Variants in CCDC39 observed in about 807,000 individuals in gnomAD.
CCDC39 encodes coiled-coil domain-containing protein 39.
A neutral mutation model predicts 121.0 loss-of-function variants in CCDC39; 113 were observed. The ratio of observed to expected loss-of-function variants is 0.93; its 90% CI spans 0.80 to 1.09. The LOEUF is 1.09. CCDC39 is among the 50% of genes least tolerant of loss of function. CCDC39 has a pLI of 0.00. For synonymous variants in CCDC39, 349 were observed against 352.2 expected (o/e 0.99, Z 0.10); for missense variants, 1,063 against 1,074.7 (o/e 0.99, Z 0.15).
intron 13 of CCDC39, among the ~76,000 whole-genome samples, chr3:180,633,597 G>C (rs1187958082): frequency 6.6e-6 from 1 of 151,948 alleles, no homozygotes; most frequent in East Asian, 1.9e-4. Context: ...GAGAGATAAA[G>C]AATATCTGAG....
At chr3:180,636,338 C>A (rs557874411) in intron 13 of CCDC39, among the ~76,000 whole-genome samples, 2 of 152,222 alleles carry the variant, frequency 1.3e-5, no homozygotes, top group South Asian at 4.1e-4. Flanking sequence ...AAATCAGGAA[C>A]GCAATCCCAT....
At chr3:180,620,738 TGTA>T (rs1463132690) in intron 14 of CCDC39, among the ~76,000 whole-genome samples, 5 of 152,122 alleles carry the variant, frequency 3.3e-5, no homozygotes, top group Non-Finnish European at 7.4e-5. Flanking sequence ...TAAACCTGAA[TGTA>T]GTCAATTAGA....
chr3:180,658,567 A>AG (rs1711646342), intron 6 of CCDC39, among the ~76,000 whole-genome samples: 1 of 151,908 alleles, frequency 6.6e-6, no homozygotes, highest in Non-Finnish European at 1.5e-5. Flanking sequence ...ACTGCACTCC[A>AG]GCCTTGGTGA....
chr3:180,678,122 C>T (rs780001819), intron 1 of CCDC39, among the ~76,000 whole-genome samples: 5 of 152,114 alleles, frequency 3.3e-5, no homozygotes, highest in Admixed American at 2.6e-4. Flanking sequence ...GTTTGTTCAT[C>T]TCCATCTCCG....
intron 1 of CCDC39, among the ~76,000 whole-genome samples, chr3:180,668,164 G>C (rs2108432973): frequency 6.6e-6 from 1 of 152,230 alleles, no homozygotes; most frequent in South Asian, 2.1e-4. Flanking sequence ...GATCACTTGA[G>C]ACCGGGAGTT....
At position 180,672,798 on chromosome 3, in the gene CCDC39, C is replaced by T. The variant is rs570099942; in HGVS notation, c.90+6493G>A. Among the ~76,000 whole-genome samples, 105 of 152,230 alleles carry T rather than the reference C, an allele frequency of 6.9e-4. 1 individual carries two copies. The highest frequency in any genetic ancestry group is 2.1e-3 in the African/African-American group (87 of 41,552). On this transcript the variant is annotated intron_variant, in intron 1 of 19. Coordinates refer to ENST00000476379, the MANE Select transcript of CCDC39 (RefSeq NM_181426.2). The stretch of plus-strand genomic sequence containing the variant: ...TATCTGCCATAGATAGTGATTCCTA[C>T]GATGGATCTGAGCAAGGTAAATTGA...
Position 180,663,923 on chromosome 3 carries a change from T to A in CCDC39, c.154A>T (p.Ile52Phe). The change falls in exon 2 of 20, where the codon ATT becomes TTT. Residue 52 changes from isoleucine (I) to phenylalanine (F), a missense_variant. By Grantham distance (21) the Ile-to-Phe change is conservative (BLOSUM62 0). Transcript: ENST00000476379. Reference protein sequence around the residue: ...QDELREYEERINSMTSHFKNV... With the variant: ...QDELREYEERFNSMTSHFKNV... The stretch of plus-strand genomic sequence containing the variant: ...TTGAAGTGAGAAGTCATAGAATTAA[T>A]TCGCTCTTCATACTCACGTAACTCA... 1 of 1,612,224 alleles carries A rather than the reference T, an allele frequency of 6.2e-7. No homozygotes were observed. The highest frequency in any genetic ancestry group is 2.2e-5 in the East Asian group (1 of 44,836).
rs2108402805 is a variant in CCDC39 at position 180,614,832 on chromosome 3, C to T, written c.*89G>A. The T allele has an allele frequency of 1.7e-6, 2 of 1,201,510 alleles. No individual in the cohort carries two copies. Among genetic ancestry groups the T allele is most frequent in the Non-Finnish European group, 2.3e-6 (2 of 866,100 alleles). 74.4% of individuals were successfully genotyped at this position (1,201,510 alleles called of 1,614,324 possible). On this transcript the variant is annotated 3_prime_UTR_variant, in exon 20 of 20. Coordinates refer to ENST00000476379, the MANE Select transcript of CCDC39 (RefSeq NM_181426.2). The stretch of plus-strand genomic sequence containing the variant: ...ACTTACCACTAAGTTTTTACACTTT[C>T]CACTAGATAAAATGTGTTGGGTCGT...
At position 180,652,242 on chromosome 3, in the gene CCDC39, T is replaced by A; in HGVS notation, c.955A>T (p.Asn319Tyr). 1.3e-6 allele frequency: 2 copies of A among 1,531,422 alleles called. No individual in the cohort carries two copies. The highest frequency in any genetic ancestry group is 2.6e-5 in the South Asian group (2 of 77,606). The allele number at this position is 1,531,422 out of a possible 1,614,324, so 94.9% of individuals were successfully genotyped here. ...GCTTCTAAATCACTGGAAGTTCTATTCACAGTGGCTTTTAAAGAATCCAGC... is the reference window on the plus strand; with the variant it reads ...GCTTCTAAATCACTGGAAGTTCTATACACAGTGGCTTTTAAAGAATCCAGC... ...GELDSLKATV[N>Y]RTSSDLEALR... The change falls in exon 8 of 20, where the codon AAT (asparagine) becomes TAT (tyrosine). Residue 319 changes from asparagine (N) to tyrosine (Y), a missense_variant. By Grantham distance (143) the Asn-to-Tyr change is moderately radical. Coordinates refer to ENST00000476379, the MANE Select transcript of CCDC39 (RefSeq NM_181426.2).
Position 180,614,658 on chromosome 3 carries a change from A to G in CCDC39, c.*263T>C, listed in dbSNP as rs1717160535. The G allele has an allele frequency of 2.9e-6, 1 of 348,602 alleles. No homozygotes were observed. Among genetic ancestry groups the G allele is most frequent in the Non-Finnish European group, 5.2e-6 (1 of 193,790 alleles). 21.6% of individuals were successfully genotyped at this position (348,602 alleles called of 1,614,324 possible). The stretch of plus-strand genomic sequence containing the variant: ...AAGCAAACTATTTTCTAACACTACG[A>G]ACATCAGAATTACAGTGAAATACAG... On this transcript the variant is annotated 3_prime_UTR_variant, in exon 20 of 20. Coordinates refer to ENST00000476379, the MANE Select transcript of CCDC39 (RefSeq NM_181426.2).
At position 180,616,332 on chromosome 3, in the gene CCDC39, T is replaced by A. The variant is rs1385632797; in HGVS notation, c.2618A>T (p.Lys873Ile). ...SGLELPTAST[K>I]GSRQSSRSPS... ...AGATCTAGAGCTCTGACGACTGCCT[T>A]TTGTGCTAGCTGTAGGTAGTTCTAA... The change falls in exon 19 of 20, where the codon AAA (lysine) becomes ATA (isoleucine). Residue 873 changes from lysine to isoleucine, a missense_variant. Coordinates refer to ENST00000476379, the MANE Select transcript of CCDC39 (RefSeq NM_181426.2). 1 of 1,613,084 alleles carries A rather than the reference T, an allele frequency of 6.2e-7. No homozygotes were observed. The highest frequency in any genetic ancestry group is 1.7e-5 in the Admixed American group (1 of 59,900).
chr3:180,668,272 A>G (rs146482405), intron 1 of CCDC39, among the ~76,000 whole-genome samples: 1,683 of 152,246 alleles, frequency 0.011, 10 homozygotes, highest in South Asian at 0.028. Flanking sequence ...CCAGCTACTT[A>G]GGAAGCTAAA....
chr3:180,660,468 A>T, intron 4 of CCDC39, 102 bp downstream of exon 4: 1 of 1,048,512 alleles, frequency 9.5e-7, no homozygotes, highest in Non-Finnish European at 1.3e-6. Context: ...TCAGAAGTTT[A>T]AGAATTGCTG....
At chr3:180,668,644 C>T (rs1446030760) in intron 1 of CCDC39, among the ~76,000 whole-genome samples, 3 of 152,030 alleles carry the variant, frequency 2.0e-5, no homozygotes, top group Admixed American at 6.6e-5. Flanking sequence ...CAATTAGTAA[C>T]TATGTTTCTA....
In CCDC39 at chr3:180,656,177, TAA is replaced by T. The variant is rs796648670; in HGVS notation, c.739-1226_739-1225del. Among the ~76,000 whole-genome samples the T allele has an allele frequency of 1.6e-4, 25 of 152,354 alleles. 1 individual carries two copies. Among genetic ancestry groups the T allele is most frequent in the African/African-American group, 3.1e-4 (13 of 41,582 alleles). ...ACTCAAAAGACACGTCAAAACTTCC[TAA>T]GTTTAAATATTTCAGAATATGAATC... On this transcript the variant is annotated intron_variant, in intron 6 of 19. Transcript: ENST00000476379.
chr3:180,619,358 C>G lies in CCDC39; in HGVS notation c.2166G>C (p.Glu722Asp), dbSNP rs1158410663. The G allele has an allele frequency of 1.4e-6, 2 of 1,460,042 alleles. No individual in the cohort carries two copies. Among genetic ancestry groups the G allele is most frequent in the Admixed American group, 4.0e-5 (2 of 49,660 alleles). 90.4% of individuals were successfully genotyped at this position (1,460,042 alleles called of 1,614,324 possible). Residue 722 changes from glutamate to aspartate, a missense_variant, in exon 16 of 20, where the codon GAG becomes GAC. Physicochemically the swap from Glu to Asp is conservative, Grantham distance 45. Transcript: ENST00000476379. ...SFKKVTPSSD[E>D]YELKIQLEEQ... ...CTTCTAGTTGAATTTTTAGCTCATACTCATCACCTGAAATGTAGAACATTT... is the reference window on the plus strand; with the variant it reads ...CTTCTAGTTGAATTTTTAGCTCATAGTCATCACCTGAAATGTAGAACATTT...
intron 17 of CCDC39, 25 bp from the exon 18 acceptor site, chr3:180,616,720 T>C (rs765281179): frequency 1.3e-6 from 2 of 1,578,692 alleles, no homozygotes; most frequent in African/African-American, 1.4e-5. Context: ...TAGTCAATTA[T>C]TCTATAAACG....
Position 180,659,713 on chromosome 3 carries a change from T to C in CCDC39, c.573A>G (p.Ile191Met), listed in dbSNP as rs1261633109. 2 of 1,612,788 alleles carry C rather than the reference T, an allele frequency of 1.2e-6. No homozygotes were observed. Among genetic ancestry groups the C allele is most frequent in the East Asian group, 4.5e-5 (2 of 44,744 alleles). The change falls in exon 5 of 20, where the codon ATA (isoleucine) becomes ATG (methionine). Residue 191 changes from isoleucine (I) to methionine (M), a missense_variant. Ile to Met is a conservative substitution (Grantham distance 10). Coordinates refer to ENST00000476379, the MANE Select transcript of CCDC39 (RefSeq NM_181426.2). ...LTLECNQKRK[I>M]LDNELTETIS... The stretch of plus-strand genomic sequence containing the variant: ...TAGTCTCTGTAAGTTCGTTGTCAAG[T>C]ATCTTTCTTTTCTGATTACATTCCA...
At chr3:180,625,138 T>A (rs1184813703) in intron 14 of CCDC39, among the ~76,000 whole-genome samples, 1 of 152,138 alleles carries the variant, frequency 6.6e-6, no homozygotes, top group Non-Finnish European at 1.5e-5. Context: ...TTTCTCTCTC[T>A]TACCCCTCAG....
Sources: gnomAD v4.1 joint callset for allele counts (sites outside exome capture counted in the v4.1 genomes callset) on GRCh38, gnomAD v4.1.1 for gene constraint, MANE v1.5 for transcripts, NCBI Gene and HGNC (gene_info 2026-07-23, HGNC 2026-07-21) for gene names.